The following ATF6 variants were observed in gnomAD, a reference collection of about 807,000 sequenced individuals.
ATF6 encodes activating transcription factor 6.
In ATF6, 53 loss-of-function variants were observed where a neutral mutation model predicts 83.6. The ratio of observed to expected loss-of-function variants is 0.63; its 90% CI spans 0.51 to 0.80. The LOEUF is 0.80. Ranked by LOEUF, ATF6 falls within the 30% of genes least tolerant of loss-of-function variation. ATF6 has a pLI of 0.00. For synonymous variants in ATF6, 288 were observed against 285.8 expected, an observed-to-expected ratio of 1.01 and a Z score of -0.08; for missense variants, 744 against 797.9, an observed-to-expected ratio of 0.93 and a Z score of 0.81.
At chr1:161,791,155 C>A (rs12045431) in intron 4 of ATF6, among the ~76,000 whole-genome samples, 18,092 of 150,136 alleles carry the variant, frequency 0.12, 1,618 homozygotes, top group East Asian at 0.31. Flanking sequence ...AGAAATGTAG[C>A]AACAGATCAA....
At chr1:161,937,914 C>T (rs984522428) in intron 15 of ATF6, among the ~76,000 whole-genome samples, 8 of 152,138 alleles carry the variant, frequency 5.3e-5, no homozygotes, top group African/African-American at 1.9e-4. Flanking sequence ...CGCCACTCCT[C>T]TGTTCAGAAC....
intron 9 of ATF6, among the ~76,000 whole-genome samples, chr1:161,845,803 A>G (rs1301310270): frequency 2.7e-5 from 4 of 150,104 alleles, no homozygotes; most frequent in Non-Finnish European, 4.4e-5. Flanking sequence ...AAAGTTAAGT[A>G]GGCAGTATTT....
chr1:161,924,964 A>G (rs1688282157), intron 15 of ATF6, among the ~76,000 whole-genome samples: 1 of 152,248 alleles, frequency 6.6e-6, no homozygotes, highest in African/African-American at 2.4e-5. Context: ...AATCACCGCC[A>G]TGTATAGAGA....
chr1:161,829,078 GCTAA>G (rs1339636737), intron 9 of ATF6, among the ~76,000 whole-genome samples: 2 of 151,724 alleles, frequency 1.3e-5, no homozygotes, highest in African/African-American at 4.8e-5. Context: ...AACAAGAAGA[GCTAA>G]CTATCGTAAA....
chr1:161,854,860 C>T (rs559870135), intron 12 of ATF6, among the ~76,000 whole-genome samples: 13 of 150,624 alleles, frequency 8.6e-5, no homozygotes, highest in African/African-American at 1.2e-4. Flanking sequence ...AGCGAGACTC[C>T]GTCTAAAAAA....
At chr1:161,809,155 A>G (rs1456913089) in intron 7 of ATF6, among the ~76,000 whole-genome samples, 1 of 152,062 alleles carries the variant, frequency 6.6e-6, no homozygotes, top group Non-Finnish European at 1.5e-5. Context: ...TTAACTCGTG[A>G]TTTACATTAG....
rs775342946 is a variant in ATF6 at position 161,958,553 on chromosome 1, C to T, written c.1912C>T (p.Arg638Ter). ...AAGTTCGTCAGTTCCTCCTTACCTC[C>T]GAGATCAGCAGAGGAATCAAACCAA... is the stretch of plus-strand genomic sequence containing the variant. ...IKSSSVPPYL[R>*]DQQRNQTNTF... The change falls in exon 16 of 16, where the codon CGA (arginine) becomes TGA (stop). Residue 638 changes from arginine (R) to a stop codon, truncating the protein, a stop_gained. Transcript: ENST00000367942. LOFTEE classifies it high-confidence loss of function. 12 of 1,613,970 alleles carry T rather than the reference C, an allele frequency of 7.4e-6. No individual in the cohort carries two copies. Among genetic ancestry groups the T allele is most frequent in the Middle Eastern group, 1.6e-4 (1 of 6,084 alleles).
At position 161,795,694 on chromosome 1, in the gene ATF6, G is replaced by GTT. The variant is rs370850270; in HGVS notation, c.688+3367_688+3368insTT. 2.9e-3 allele frequency among the ~76,000 whole-genome samples: 438 copies of GTT among 152,316 alleles called. 3 individuals are homozygous for GTT. The highest frequency in any genetic ancestry group is 9.8e-3 in the African/African-American group (409 of 41,566). On this transcript the variant is annotated intron_variant, in intron 6 of 15. Transcript: ENST00000367942. ...TAATGCCAGAGAGGATTTTGAGCATGCTAAAATGGATAAACAGCCTTTGGA... is the reference window on the plus strand; with the variant it reads ...TAATGCCAGAGAGGATTTTGAGCATGTTCTAAAATGGATAAACAGCCTTTGGA...
At chr1:161,768,265 T>G (rs193251240) in intron 1 of ATF6, among the ~76,000 whole-genome samples, 5 of 152,344 alleles carry the variant, frequency 3.3e-5, no homozygotes, top group Admixed American at 1.3e-4. Flanking sequence ...CTTGACTTAA[T>G]GTTCTCTAAC....
chr1:161,799,222 A>C (rs1169809801), intron 6 of ATF6, among the ~76,000 whole-genome samples: 1 of 152,222 alleles, frequency 6.6e-6, no homozygotes, highest in Non-Finnish European at 1.5e-5. Flanking sequence ...AATGTGGTAC[A>C]TATACACCAT....
At chr1:161,950,950 AGTT>A in intron 15 of ATF6, among the ~76,000 whole-genome samples, 1 of 152,314 alleles carries the variant, frequency 6.6e-6, no homozygotes, top group East Asian at 1.9e-4. Context: ...AACCTCCCAC[AGTT>A]GTGGGCAGCA....
In ATF6 at chr1:161,880,120, G is replaced by T. The variant is rs542145219; in HGVS notation, c.1719+16808G>T. ...GTTCAGATTTCTGTCTTGAGTGGCTGGTTTGAATCTAATTTTCTGTTATAT... is the reference window on the plus strand; with the variant it reads ...GTTCAGATTTCTGTCTTGAGTGGCTTGTTTGAATCTAATTTTCTGTTATAT... On this transcript the variant is annotated intron_variant, in intron 14 of 15. Transcript: ENST00000367942. 5.9e-5 allele frequency among the ~76,000 whole-genome samples: 9 copies of T among 152,032 alleles called. No homozygotes were observed. In the South Asian group the frequency reaches 1.9e-3, roughly 32 times the overall value.
rs1875761 is a variant in ATF6 at position 161,816,804 on chromosome 1, C to T, written c.910-2829C>T. 6.8e-3 allele frequency among the ~76,000 whole-genome samples: 1,028 copies of T among 152,084 alleles called. 7 individuals are homozygous for T. Among genetic ancestry groups the T allele is most frequent in the African/African-American group, 0.024 (982 of 41,486 alleles). ...CTTATATAGGAAAATACCCACTTCC[C>T]CCCACTTAAAAAAATACCAAACACC... On this transcript the variant is annotated intron_variant, in intron 7 of 15. Coordinates refer to ENST00000367942, the MANE Select transcript of ATF6 (RefSeq NM_007348.4).
At chr1:161,789,936 T>C (rs1192492969) in intron 4 of ATF6, among the ~76,000 whole-genome samples, 4 of 152,190 alleles carry the variant, frequency 2.6e-5, no homozygotes, top group African/African-American at 9.6e-5. Context: ...GAAGATGCAA[T>C]TGTCACTTGT....
chr1:161,869,428 T>A (rs1009188451), intron 14 of ATF6, among the ~76,000 whole-genome samples: 9 of 152,084 alleles, frequency 5.9e-5, no homozygotes, highest in Admixed American at 3.9e-4. Context: ...CTCCTTCTTT[T>A]GTTTCTGAGA....
At chr1:161,809,251 G>A (rs1207744990) in intron 7 of ATF6, among the ~76,000 whole-genome samples, 2 of 151,504 alleles carry the variant, frequency 1.3e-5, no homozygotes, top group Non-Finnish European at 2.9e-5. Flanking sequence ...GTGTCCAAGT[G>A]TTCTCATTGT....
chr1:161,938,513 G>A (rs1364830737), intron 15 of ATF6, among the ~76,000 whole-genome samples: 1 of 152,190 alleles, frequency 6.6e-6, no homozygotes, highest in African/African-American at 2.4e-5. Context: ...TTTCAGATGA[G>A]AAAAGTTCAC....
At chr1:161,789,340 C>G (rs1684827319) in intron 4 of ATF6, among the ~76,000 whole-genome samples, 1 of 147,274 alleles carries the variant, frequency 6.8e-6, no homozygotes, top group South Asian at 2.1e-4. Context: ...CTCTGGTAAC[C>G]ATCCTTCTAC....
intron 14 of ATF6, among the ~76,000 whole-genome samples, chr1:161,884,522 T>G (rs1307490480): frequency 6.6e-6 from 1 of 152,138 alleles, no homozygotes; most frequent in Non-Finnish European, 1.5e-5. Context: ...TTATAGTTTT[T>G]TTTTTAAAAA....
Sources: gnomAD v4.1 joint callset for allele counts (sites outside exome capture counted in the v4.1 genomes callset) on GRCh38, gnomAD v4.1.1 for gene constraint, MANE v1.5 for transcripts, NCBI Gene and HGNC (gene_info 2026-07-23, HGNC 2026-07-21) for gene names.